Variants in AKR1D1 observed in about 807,000 individuals in gnomAD.
The protein encoded by AKR1D1 is delta(4)-3-ketosteroid 5-beta-reductase.
A neutral mutation model predicts 42.6 loss-of-function variants in AKR1D1; 32 were observed. That is an observed-to-expected ratio of 0.75 (90% CI 0.57 to 1.01). The LOEUF (loss-of-function observed/expected upper bound fraction) is 1.01. AKR1D1 is among the 50% of genes least tolerant of loss of function. The pLI is 0.00. For synonymous variants in AKR1D1, 123 were observed against 135.5 expected (o/e 0.91, Z 0.64); for missense variants, 364 against 402.2 (o/e 0.91, Z 0.81).
chr7:138,097,610 C>G (rs1194099167), intron 3 of AKR1D1, among the ~76,000 whole-genome samples: 1 of 152,202 alleles, frequency 6.6e-6, no homozygotes, highest in Non-Finnish European at 1.5e-5. Context: ...TGAGGTCTGT[C>G]CTCTAACAGA....
intron 1 of AKR1D1, among the ~76,000 whole-genome samples, chr7:138,081,622 C>T (rs747938984): frequency 1.4e-5 from 2 of 143,076 alleles, no homozygotes; most frequent in Admixed American, 1.5e-4. Context: ...CTCCACCTCC[C>T]GGGTTCACCA....
intron 7 of AKR1D1, among the ~76,000 whole-genome samples, chr7:138,108,113 G>C (rs1794469609): frequency 6.6e-6 from 1 of 152,186 alleles, no homozygotes; most frequent in African/African-American, 2.4e-5. Flanking sequence ...GGTAAAAGTT[G>C]AGGACAAATT....
chr7:138,105,840 G>A (rs1424405353), intron 5 of AKR1D1, among the ~76,000 whole-genome samples: 3 of 152,008 alleles, frequency 2.0e-5, no homozygotes, highest in Non-Finnish European at 2.9e-5. Flanking sequence ...AGCCGAGATT[G>A]CGCCACTGCA....
intron 7 of AKR1D1, among the ~76,000 whole-genome samples, chr7:138,112,550 AT>A (rs1246434632): frequency 6.6e-6 from 1 of 152,220 alleles, no homozygotes; most frequent in East Asian, 1.9e-4. Context: ...CAATTACTGC[AT>A]TTTCCTCTTA....
intron 4 of AKR1D1, among the ~76,000 whole-genome samples, chr7:138,102,595 T>C (rs1562936308): frequency 1.3e-5 from 2 of 152,206 alleles, no homozygotes; most frequent in African/African-American, 4.8e-5. Flanking sequence ...GGAGGGCTTA[T>C]ACTAATTTCA....
chr7:138,111,856 T>G (rs1295674748), intron 7 of AKR1D1, among the ~76,000 whole-genome samples: 1 of 152,202 alleles, frequency 6.6e-6, no homozygotes, highest in Non-Finnish European at 1.5e-5. Flanking sequence ...TAAATATGCT[T>G]GACAAAATTA....
chr7:138,085,330 C>T (rs777012683), intron 1 of AKR1D1, among the ~76,000 whole-genome samples: 8 of 152,120 alleles, frequency 5.3e-5, no homozygotes, highest in Non-Finnish European at 1.2e-4. Flanking sequence ...CTATAACTTG[C>T]TTCTGTGCCA....
chr7:138,114,608 C>T lies in AKR1D1; in HGVS notation c.938+836C>T, dbSNP rs563039988. Among the ~76,000 whole-genome samples the T allele has an allele frequency of 2.7e-4, 40 of 146,236 alleles. No homozygotes were observed. In the South Asian group the frequency reaches 8.0e-3, roughly 29 times the overall value. On this transcript the variant is annotated intron_variant, in intron 8 of 8. Coordinates refer to ENST00000242375, the MANE Select transcript of AKR1D1 (RefSeq NM_005989.4). ...CCAGGAGGCAGAGGTTGCAGTGAGC[C>T]GAGATCATGCCATTGCACTCCAGCC...
chr7:138,108,720 C>G (rs1794480179), intron 7 of AKR1D1, among the ~76,000 whole-genome samples: 1 of 152,096 alleles, frequency 6.6e-6, no homozygotes, highest in Admixed American at 6.5e-5. Flanking sequence ...GAACAAATGT[C>G]AAGAGATCTA....
In AKR1D1 at chr7:138,106,632, CA is replaced by C; in HGVS notation, c.605del (p.Gln202ArgfsTer5). ...GGTTGAGTGCCATCCGTATTTCACC[CA>C]GCCAAAACTCTTGAAATTTTGCCAA... ...NQVECHPYFT[Q>X]PKLLKFCQQH... On this transcript the variant is annotated frameshift_variant, in exon 6 of 9. Coordinates refer to ENST00000242375, the MANE Select transcript of AKR1D1 (RefSeq NM_005989.4). LOFTEE classifies it high-confidence loss of function. 6.2e-7 allele frequency: 1 copy of C among 1,614,148 alleles called. No homozygotes were observed. Among genetic ancestry groups the C allele is most frequent in the South Asian group, 1.1e-5 (1 of 91,084 alleles).
chr7:138,102,915 T>C (rs1361829907), intron 4 of AKR1D1, among the ~76,000 whole-genome samples: 1 of 151,988 alleles, frequency 6.6e-6, no homozygotes, highest in Admixed American at 6.5e-5. Flanking sequence ...TACTACAAAC[T>C]GGGGAGCTTT....
intron 3 of AKR1D1, among the ~76,000 whole-genome samples, chr7:138,097,259 C>T (rs1292544942): frequency 4.6e-5 from 7 of 152,122 alleles, no homozygotes; most frequent in Non-Finnish European, 8.8e-5. Flanking sequence ...GCATACAGCC[C>T]GTTAGGTTGA....
chr7:138,111,036 T>G (rs1334169816), intron 7 of AKR1D1, among the ~76,000 whole-genome samples: 1 of 152,150 alleles, frequency 6.6e-6, no homozygotes, highest in African/African-American at 2.4e-5. Context: ...GACAGCTCTT[T>G]GACTTCCTCT....
At chr7:138,079,528 C>A (rs1242379707) in intron 1 of AKR1D1, among the ~76,000 whole-genome samples, 1 of 152,160 alleles carries the variant, frequency 6.6e-6, no homozygotes, top group African/African-American at 2.4e-5. Flanking sequence ...GCAGCTTGTC[C>A]TCCAGTACAG....
intron 7 of AKR1D1, 31 bp from the exon 8 acceptor site, chr7:138,113,659 C>T (rs1343970978): frequency 6.2e-7 from 1 of 1,602,312 alleles, no homozygotes; most frequent in African/African-American, 1.3e-5. Context: ...GCTTGACCTT[C>T]AAAAATGTTC....
chr7:138,091,014 G>C (rs1045241550), intron 2 of AKR1D1, among the ~76,000 whole-genome samples: 2 of 152,204 alleles, frequency 1.3e-5, no homozygotes, highest in Admixed American at 1.3e-4. Context: ...CATATTCCTT[G>C]CTCATTTTAT....
intron 1 of AKR1D1, among the ~76,000 whole-genome samples, chr7:138,086,674 C>A (rs1195717625): frequency 6.6e-6 from 1 of 152,176 alleles, no homozygotes; most frequent in Admixed American, 6.5e-5. Context: ...GCTCAGCCTA[C>A]AACAAATCAA....
intron 1 of AKR1D1, 40 bp downstream of exon 1, chr7:138,076,651 C>A: frequency 6.5e-7 from 1 of 1,526,908 alleles, no homozygotes; most frequent in Non-Finnish European, 9.1e-7. Context: ...TTGTTTGTTT[C>A]TTTTAACATT....
intron 7 of AKR1D1, among the ~76,000 whole-genome samples, chr7:138,110,089 TC>T (rs1794509217): frequency 6.6e-6 from 1 of 152,126 alleles, no homozygotes; most frequent in African/African-American, 2.4e-5. Flanking sequence ...CAATTCTCAC[TC>T]TTTAGGGAAT....
Sources: allele counts gnomAD v4.1 joint callset (sites outside exome capture counted in the v4.1 genomes callset), GRCh38; gene constraint gnomAD v4.1.1; transcripts MANE v1.5; gene names NCBI Gene and HGNC (gene_info 2026-07-23, HGNC 2026-07-21).